The following CTNNBL1 variants were observed in gnomAD, a reference collection of about 807,000 sequenced individuals.
CTNNBL1 encodes the protein beta-catenin-like protein 1.
CTNNBL1 carries 31 observed loss-of-function variants against 72.7 expected under a neutral mutation model. The ratio of observed to expected loss-of-function variants is 0.43; its 90% CI spans 0.32 to 0.58. CTNNBL1 has a LOEUF of 0.58. CTNNBL1 is among the 20% of genes least tolerant of loss of function. The pLI is 0.08. For synonymous variants in CTNNBL1, 240 were observed against 267.3 expected (o/e 0.90, Z 1.00); for missense variants, 534 against 725.1 (o/e 0.74, Z 3.03).
At chr20:37,697,557 T>C (rs889671058) in intron 1 of CTNNBL1, among the ~76,000 whole-genome samples, 6 of 152,218 alleles carry the variant, frequency 3.9e-5, no homozygotes, top group Non-Finnish European at 8.8e-5. Flanking sequence ...GACAAGACTA[T>C]GTAGGCCTTC....
intron 1 of CTNNBL1, among the ~76,000 whole-genome samples, chr20:37,721,107 C>T (rs3886845): frequency 0.037 from 5,565 of 152,182 alleles, 312 homozygotes; most frequent in African/African-American, 0.13. Flanking sequence ...CTAAGGCATC[C>T]GTTAATAACT....
At chr20:37,871,709 G>T (rs1053746090) in intron 15 of CTNNBL1, among the ~76,000 whole-genome samples, 48 of 152,124 alleles carry the variant, frequency 3.2e-4, no homozygotes, top group Admixed American at 3.1e-3. Context: ...GAAGTGAAGG[G>T]TGTGGCTAGG....
At chr20:37,750,650 A>G (rs1472296383) in intron 4 of CTNNBL1, 2 of 152,216 alleles carry the variant, frequency 1.3e-5, no homozygotes, top group East Asian at 3.8e-4. Context: ...AACCACAACA[A>G]CGATCACATG....
intron 1 of CTNNBL1, among the ~76,000 whole-genome samples, chr20:37,699,572 C>T (rs2072822590): frequency 1.3e-5 from 2 of 152,124 alleles, no homozygotes; most frequent in African/African-American, 4.8e-5. Context: ...AAGTATAGTC[C>T]ACATGTTGAA....
At chr20:37,847,354 A>C (rs960222564) in intron 13 of CTNNBL1, among the ~76,000 whole-genome samples, 4 of 152,152 alleles carry the variant, frequency 2.6e-5, no homozygotes, top group Non-Finnish European at 4.4e-5. Flanking sequence ...AAAGTCTGTG[A>C]GATTCCAGGG....
At chr20:37,804,591 A>G (rs2071936308) in intron 11 of CTNNBL1, among the ~76,000 whole-genome samples, 1 of 152,226 alleles carries the variant, frequency 6.6e-6, no homozygotes, top group African/African-American at 2.4e-5. Context: ...TCAGATTCTC[A>G]GGAACAAGCC....
chr20:37,778,473 G>A (rs1241530955), intron 9 of CTNNBL1, among the ~76,000 whole-genome samples: 1 of 152,130 alleles, frequency 6.6e-6, no homozygotes, highest in Non-Finnish European at 1.5e-5. Context: ...TTCCAGTTCT[G>A]GGAAGGTGCT....
chr20:37,795,675 CTA>C (rs2073766795), intron 10 of CTNNBL1, among the ~76,000 whole-genome samples: 1 of 152,148 alleles, frequency 6.6e-6, no homozygotes, highest in Non-Finnish European at 1.5e-5. Context: ...GTCTTTTCTT[CTA>C]TGTTTTTAGT....
intron 4 of CTNNBL1, chr20:37,750,142 T>C (rs1327492030): frequency 1.3e-5 from 2 of 152,244 alleles, no homozygotes; most frequent in Non-Finnish European, 2.9e-5. Flanking sequence ...AAACAGCTTG[T>C]GCCTCATCCT....
At chr20:37,817,786 T>C (rs1332260645) in intron 11 of CTNNBL1, among the ~76,000 whole-genome samples, 1 of 152,236 alleles carries the variant, frequency 6.6e-6, no homozygotes, top group Non-Finnish European at 1.5e-5. Context: ...AGCAAGAATC[T>C]ATAAAATGGG....
intron 1 of CTNNBL1, among the ~76,000 whole-genome samples, chr20:37,718,621 G>A (rs1466012597): frequency 2.0e-5 from 3 of 152,116 alleles, no homozygotes; most frequent in Non-Finnish European, 2.9e-5. Context: ...CGGACGGGGC[G>A]GCTGGCCAGG....
intron 13 of CTNNBL1, among the ~76,000 whole-genome samples, chr20:37,851,669 G>T (rs1287075739): frequency 1.3e-5 from 2 of 152,168 alleles, no homozygotes; most frequent in Non-Finnish European, 2.9e-5. Flanking sequence ...CCTTAGGAGA[G>T]ATTCATCTCT....
intron 1 of CTNNBL1, among the ~76,000 whole-genome samples, chr20:37,726,140 C>T (rs1352515228): frequency 6.6e-6 from 1 of 152,124 alleles, no homozygotes; most frequent in Non-Finnish European, 1.5e-5. Flanking sequence ...AGTAGAGGTG[C>T]TAGGATTTGA....
Position 37,757,567 on chromosome 20 carries a change from A to G in CTNNBL1, c.475A>G (p.Ile159Val). ...CCCTTAACATTTTTCACATGTGTCC[A>G]TAGCTGTGGTCGATTTGCTTCAGGA... is the stretch of plus-strand genomic sequence containing the variant. ...LLGHDNTDVSIAVVDLLQELT... is the reference protein window; with the variant it reads ...LLGHDNTDVSVAVVDLLQELT... The change falls in exon 5 of 16, where the codon ATA becomes GTA. Residue 159 changes from isoleucine to valine, a missense_variant. By Grantham distance (29) the Ile-to-Val change is conservative. Transcript: ENST00000361383. 6.2e-7 allele frequency: 1 copy of G among 1,613,364 alleles called. No homozygotes were observed. Among genetic ancestry groups the G allele is most frequent in the Non-Finnish European group, 8.5e-7 (1 of 1,179,302 alleles).
At chr20:37,866,686 A>T (rs2072539641) in intron 15 of CTNNBL1, among the ~76,000 whole-genome samples, 1 of 152,222 alleles carries the variant, frequency 6.6e-6, no homozygotes, top group South Asian at 2.1e-4. Flanking sequence ...AGTAGGTAAC[A>T]TATTTAAGTC....
At chr20:37,804,452 TG>T (rs2071934800) in intron 11 of CTNNBL1, among the ~76,000 whole-genome samples, 1 of 152,168 alleles carries the variant, frequency 6.6e-6, no homozygotes, top group South Asian at 2.1e-4. Flanking sequence ...AGCCGAGCTG[TG>T]GGTTCTACAG....
chr20:37,869,885 AG>A (rs2072568046), intron 15 of CTNNBL1, among the ~76,000 whole-genome samples: 1 of 152,112 alleles, frequency 6.6e-6, no homozygotes, highest in Admixed American at 6.5e-5. Context: ...GGCAGGGGAC[AG>A]TCAGAGGGCA....
chr20:37,767,994 A>G lies in CTNNBL1; in HGVS notation c.700A>G (p.Thr234Ala), dbSNP rs776066403. Reference sequence around the variant, plus strand: ...GGCTGAGTTCCGGCCTGAGATGTGTACAGAGGGTGCCCAGCAGGGTCTTCT... The same window carrying G: ...GGCTGAGTTCCGGCCTGAGATGTGTGCAGAGGGTGCCCAGCAGGGTCTTCT... ...NMAEFRPEMCTEGAQQGLLQW... is the reference protein window; with the variant it reads ...NMAEFRPEMCAEGAQQGLLQW... The change falls in exon 7 of 16, where the codon ACA becomes GCA. Residue 234 changes from threonine to alanine, a missense_variant. Thr to Ala is a moderately conservative substitution (Grantham distance 58). Transcript: ENST00000361383. 3 of 1,614,034 alleles carry G rather than the reference A, an allele frequency of 1.9e-6. No individual in the cohort carries two copies. In the South Asian group the frequency reaches 3.3e-5, roughly 18 times the overall value.
At chr20:37,733,145 C>T in intron 2 of CTNNBL1, 78 bp downstream of exon 2, 2 of 1,238,416 alleles carry the variant, frequency 1.6e-6, no homozygotes, top group Non-Finnish European at 2.3e-6. Context: ...CTAAGCTTGT[C>T]TGAGCTTCCC....
Sources: gnomAD v4.1 joint callset for allele counts (sites outside exome capture counted in the v4.1 genomes callset) on GRCh38, gnomAD v4.1.1 for gene constraint, MANE v1.5 for transcripts, NCBI Gene and HGNC (gene_info 2026-07-23, HGNC 2026-07-21) for gene names.